The following MLXIP variants were observed in gnomAD, a reference collection of about 807,000 sequenced individuals.
MLXIP encodes the protein MLX-interacting protein.
A neutral mutation model predicts 87.2 loss-of-function variants in MLXIP; 30 were observed. That is an observed-to-expected ratio of 0.34 (90% CI 0.26 to 0.47). The LOEUF (loss-of-function observed/expected upper bound fraction) is 0.47, where lower values mean the gene tolerates loss of function less well. Among genes scored for constraint, MLXIP ranks in the 20% least tolerant of loss-of-function variants. The pLI, the probability that MLXIP is intolerant of heterozygous loss-of-function variation, is 1.00. For missense variants in MLXIP, 1,002 were observed against 1,240.1 expected (o/e 0.81, Z 2.88); for synonymous variants, 530 against 514.0 (o/e 1.03, Z -0.42).
chr12:122,088,071 G>T (rs918990522), intron 1 of MLXIP, among the ~76,000 whole-genome samples: 1 of 152,202 alleles, frequency 6.6e-6, no homozygotes, highest in African/African-American at 2.4e-5. Flanking sequence ...AGCCAGAGCC[G>T]TGGGCGGGCA....
chr12:122,121,459 G>T (rs1952783662), intron 1 of MLXIP, among the ~76,000 whole-genome samples: 1 of 150,076 alleles, frequency 6.7e-6, no homozygotes. Flanking sequence ...GTAGAGACAG[G>T]ATTTCACCAT....
intron 4 of MLXIP, 51 bp from the exon 5 acceptor site, chr12:122,129,537 G>A (rs1952937156): frequency 2.5e-6 from 4 of 1,604,846 alleles, no homozygotes; most frequent in Admixed American, 1.7e-5. Flanking sequence ...AGAGCCCTTG[G>A]GCCCTCCTAG....
Position 122,087,034 on chromosome 12 carries a change from G to A in MLXIP, c.413+7768G>A, listed in dbSNP as rs768797790. Among the ~76,000 whole-genome samples, 139 of 152,160 alleles carry A rather than the reference G, an allele frequency of 9.1e-4. 4 individuals are homozygous for A. The highest frequency in any genetic ancestry group is 3.1e-4 in the Non-Finnish European group (21 of 68,030). On this transcript the variant is annotated intron_variant, in intron 1 of 16. Transcript: ENST00000319080. ...TGCCAGGGCCTGTGTCTCACATATG[G>A]ACCTTGCTATGAGCTTCCTGGGACC...
chr12:122,130,792 T>A, intron 6 of MLXIP, 52 bp from the exon 7 acceptor site: 2 of 1,337,422 alleles, frequency 1.5e-6, no homozygotes, highest in Non-Finnish European at 2.2e-6. Context: ...TTTACGTTCC[T>A]GCAACATTGT....
At chr12:122,138,614 AGGT>A (rs985444059) in intron 14 of MLXIP, 63 bp downstream of exon 14, 2 of 1,557,394 alleles carry the variant, frequency 1.3e-6, no homozygotes, top group African/African-American at 2.7e-5. Flanking sequence ...CCTGCCTCAG[AGGT>A]GGTGGGACCC....
intron 1 of MLXIP, among the ~76,000 whole-genome samples, chr12:122,122,212 A>T (rs28683032): frequency 6.6e-6 from 1 of 152,016 alleles, no homozygotes; most frequent in Non-Finnish European, 1.5e-5. Context: ...AGACTAAGAG[A>T]CAGCCCAGTC....
intron 14 of MLXIP, 22 bp from the exon 15 acceptor site, chr12:122,138,784 TCCACAGCTC>T: frequency 6.2e-7 from 1 of 1,608,800 alleles, no homozygotes; most frequent in Non-Finnish European, 8.5e-7. Flanking sequence ...CACTGGCTGC[TCCACAGCTC>T]CCACGGCTCC....
At chr12:122,121,009 G>GTTTTTTTTTTTTTTTTTTTTTTTTTTT (rs776332981) in intron 1 of MLXIP, among the ~76,000 whole-genome samples, 11 of 102,170 alleles carry the variant, frequency 1.1e-4, no homozygotes, top group South Asian at 2.9e-4. Flanking sequence ...CTGCATGCTT[G>GTTTTTTTTTTTTTTTTTTTTTTTTTTT]GTTTTTTTTT....
Position 122,137,264 on chromosome 12 carries a change from G to C in MLXIP, c.2033-205G>C. ...CTCCATCGTGTTCTGTGTGGATTAA[G>C]GGTGTTTTTGTTGTTGTTATTAATT... On this transcript the variant is annotated intron_variant, in intron 11 of 16. Coordinates refer to ENST00000319080, the MANE Select transcript of MLXIP (RefSeq NM_014938.6). This position sits in a 1 kb window ranked among gnomAD's most constrained non-coding sequence, Gnocchi z 4.1. 2.0e-6 allele frequency: 1 copy of C among 501,744 alleles called. No homozygotes were observed. Among genetic ancestry groups the C allele is most frequent in the Non-Finnish European group, 3.4e-6 (1 of 292,618 alleles). The allele number at this position is 501,744 out of a possible 1,614,324, so 31.1% of individuals were successfully genotyped here. A position where few individuals can be genotyped will look rare whatever the true frequency, so the allele number is the denominator to read the frequency against.
At position 122,133,975 on chromosome 12, in the gene MLXIP, C is replaced by A; in HGVS notation, c.1720C>A (p.Arg574Ser). ...EPVSLVLKNA[R>S]IAPAAFSGQP... ...CGTGTCCTTGGTGTTGAAGAATGCC[C>A]GTATCGCCCCAGGTGAGCCAGGCGG... is the stretch of plus-strand genomic sequence containing the variant. The change falls in exon 9 of 17, where the codon CGT (arginine) becomes AGT (serine). Residue 574 changes from arginine to serine, a missense_variant. Around this residue, in one of 3 missense-constraint regions of MLXIP, gnomAD observed 746 missense variants for 897.0 expected, o/e 0.83. Coordinates refer to ENST00000319080, the MANE Select transcript of MLXIP (RefSeq NM_014938.6). The surrounding 1 kb of genome is among the most constrained non-coding windows in gnomAD (Gnocchi z 4.9). The A allele has an allele frequency of 6.3e-7, 1 of 1,598,922 alleles. No homozygotes were observed. The highest frequency in any genetic ancestry group is 8.5e-7 in the Non-Finnish European group (1 of 1,171,898).
intron 1 of MLXIP, among the ~76,000 whole-genome samples, chr12:122,108,594 A>G (rs1174437531): frequency 6.6e-6 from 1 of 151,914 alleles, no homozygotes; most frequent in African/African-American, 2.4e-5. Context: ...CCCACCTCTA[A>G]ATGCACGCTG....
chr12:122,131,792 G>A (rs1952983819), intron 7 of MLXIP, among the ~76,000 whole-genome samples: 1 of 151,684 alleles, frequency 6.6e-6, no homozygotes. Flanking sequence ...GCAGTGGCAA[G>A]AACACGGCTC....
rs747519520 is a variant in MLXIP, at chr12:122,137,518, GAGCCCC to G, written c.2085_2090del (p.Ser697_Pro698del). The G allele has an allele frequency of 5.0e-6, 8 of 1,614,030 alleles. No homozygotes were observed. The South Asian group carries it at 8.8e-5, about 18-fold the overall frequency. On this transcript the variant is annotated inframe_deletion, in exon 12 of 17. Transcript: ENST00000319080. This position sits in a 1 kb window ranked among gnomAD's most constrained non-coding sequence, Gnocchi z 4.1. ...AGGCCTCTCCGTGTGCATCGGAGCA[GAGCCCC>G]AGTCCTCAATCTCCCCAGAACAACT...
chr12:122,121,385 A>G (rs1303024707), intron 1 of MLXIP, among the ~76,000 whole-genome samples: 1 of 143,008 alleles, frequency 7.0e-6, no homozygotes, highest in African/African-American at 2.7e-5. Context: ...GCGAGGTCTC[A>G]GCCTCCTGAG....
chr12:122,093,759 A>AGT (rs1403064928), intron 1 of MLXIP, among the ~76,000 whole-genome samples: 2 of 58,726 alleles, frequency 3.4e-5, no homozygotes, highest in African/African-American at 6.8e-5. Context: ...GTGTGGGTGT[A>AGT]GTGTGTGTGT....
intron 1 of MLXIP, among the ~76,000 whole-genome samples, chr12:122,107,863 G>C (rs563477427): frequency 6.6e-6 from 1 of 152,196 alleles, no homozygotes; most frequent in Non-Finnish European, 1.5e-5. Context: ...ACAGGGTGGT[G>C]ATAAAAGCAT....
chr12:122,131,987 G>A (rs552157654), intron 7 of MLXIP, among the ~76,000 whole-genome samples: 25 of 131,702 alleles, frequency 1.9e-4, no homozygotes, highest in Admixed American at 1.2e-3. Context: ...GCAGTGGTGC[G>A]ATCTTAGCTC....
Position 122,138,855 on chromosome 12 carries a change from A to G in MLXIP, c.2425A>G (p.Thr809Ala), listed in dbSNP as rs1268660896. ...QLLPATGVPV[T>A]RRQFDHMKDM... ...GCTCCCTGCCACGGGAGTCCCCGTTACCCGGCGCCAGTTTGATCACATGAA... is the reference window on the plus strand; with the variant it reads ...GCTCCCTGCCACGGGAGTCCCCGTTGCCCGGCGCCAGTTTGATCACATGAA... Residue 809 changes from threonine (T) to alanine (A), a missense_variant, in exon 15 of 17, where the codon ACC becomes GCC. By Grantham distance (58) the Thr-to-Ala change is moderately conservative. Coordinates refer to ENST00000319080, the MANE Select transcript of MLXIP (RefSeq NM_014938.6). 1 of 1,613,870 alleles carries G rather than the reference A, an allele frequency of 6.2e-7. No individual in the cohort carries two copies. The highest frequency in any genetic ancestry group is 1.1e-5 in the South Asian group (1 of 91,080).
chr12:122,096,104 G>T lies in MLXIP; in HGVS notation c.413+16838G>T, dbSNP rs1455021908. Reference sequence around the variant, plus strand: ...GCAATTTTTTATTTTTTAAAGATAGGTCTCACTTTGTTGCCTAGGCTGGGC... The same window carrying T: ...GCAATTTTTTATTTTTTAAAGATAGTTCTCACTTTGTTGCCTAGGCTGGGC... On this transcript the variant is annotated intron_variant, in intron 1 of 16. Transcript: ENST00000319080. Among the ~76,000 whole-genome samples, 7 of 151,352 alleles carry T rather than the reference G, an allele frequency of 4.6e-5. No homozygotes were observed. In the South Asian group the frequency reaches 1.5e-3, roughly 32 times the overall value.
Sources: gnomAD v4.1 joint callset for allele counts (sites outside exome capture counted in the v4.1 genomes callset) on GRCh38, gnomAD v4.1.1 for gene constraint, gnomAD v4.1.1 regional missense constraint, Gnocchi (gnomAD v3.1) non-coding constraint, MANE v1.5 for transcripts, NCBI Gene and HGNC (gene_info 2026-07-23, HGNC 2026-07-21) for gene names.